ZPBP: variants seen among roughly 807,000 people sequenced by gnomAD.
The protein encoded by ZPBP is zona pellucida-binding protein 1.
A neutral mutation model predicts 44.8 loss-of-function variants in ZPBP; 26 were observed. That is an observed-to-expected ratio of 0.58 (90% CI 0.43 to 0.81). ZPBP has a LOEUF of 0.81. ZPBP is among the 30% of genes least tolerant of loss of function. ZPBP has a pLI of 0.00. For synonymous variants in ZPBP, 174 were observed against 153.2 expected, an observed-to-expected ratio of 1.14 and a Z score of -1.00; for missense variants, 409 against 434.0, an observed-to-expected ratio of 0.94 and a Z score of 0.51.
intron 2 of ZPBP, among the ~76,000 whole-genome samples, chr7:49,861,196 A>C (rs1055168987): frequency 2.0e-5 from 3 of 152,166 alleles, no homozygotes; most frequent in Non-Finnish European, 4.4e-5. Flanking sequence ...TTATTGCTAT[A>C]ACCATCTTAG....
intron 2 of ZPBP, among the ~76,000 whole-genome samples, chr7:49,867,435 G>T (rs1431483182): frequency 6.6e-6 from 1 of 152,224 alleles, no homozygotes; most frequent in Non-Finnish European, 1.5e-5. Flanking sequence ...CAGGTCAACT[G>T]AGAGGCGGAG....
At chr7:49,906,564 C>T (rs2128739861) in intron 1 of ZPBP, among the ~76,000 whole-genome samples, 1 of 152,280 alleles carries the variant, frequency 6.6e-6, no homozygotes, top group East Asian at 1.9e-4. Flanking sequence ...TCTTGATCTC[C>T]TGACCTCGTG....
chr7:49,876,646 G>C (rs556378992), intron 2 of ZPBP, among the ~76,000 whole-genome samples: 171 of 152,186 alleles, frequency 1.1e-3, no homozygotes, highest in African/African-American at 3.5e-3. Context: ...GAATTGCCTT[G>C]TTGTTTTTTA....
intron 1 of ZPBP, chr7:49,915,036 G>A (rs1244953226): frequency 1.3e-5 from 2 of 152,152 alleles, no homozygotes; most frequent in African/African-American, 4.8e-5. Flanking sequence ...AAAGTATAAA[G>A]CTACTTATGT....
chr7:49,953,459 C>T (rs1426485399), intron 7 of ZPBP, among the ~76,000 whole-genome samples: 1 of 152,050 alleles, frequency 6.6e-6, no homozygotes, highest in African/African-American at 2.4e-5. Flanking sequence ...TCAAAAGGCA[C>T]TGGGTAAAGC....
intron 7 of ZPBP, among the ~76,000 whole-genome samples, chr7:49,963,902 A>G (rs547110071): frequency 6.6e-6 from 1 of 151,920 alleles, no homozygotes; most frequent in South Asian, 2.1e-4. Flanking sequence ...ATAAAAATGA[A>G]AAAGGAATTA....
At chr7:49,852,570 G>T (rs1790224617) in intron 2 of ZPBP, among the ~76,000 whole-genome samples, 1 of 152,114 alleles carries the variant, frequency 6.6e-6, no homozygotes, top group South Asian at 2.1e-4. Context: ...GCTATTTAGT[G>T]GTTTTTCCTG....
rs144626968 is a variant in ZPBP at position 49,963,615 on chromosome 7, T to G, written c.961+19727A>C. 3.7e-3 allele frequency among the ~76,000 whole-genome samples: 560 copies of G among 151,988 alleles called. 5 individuals carry two copies. The highest frequency in any genetic ancestry group is 6.2e-3 in the Non-Finnish European group (421 of 67,744). Reference sequence around the variant, plus strand: ...TCTTCATAGTGATGTTAACTGATGTTAGTTAAATGTTAGTTTTGATACTTG... The same window carrying G: ...TCTTCATAGTGATGTTAACTGATGTGAGTTAAATGTTAGTTTTGATACTTG... On this transcript the variant is annotated intron_variant, in intron 7 of 7. Coordinates refer to ENST00000046087, the MANE Select transcript of ZPBP (RefSeq NM_007009.3).
At chr7:50,077,785 T>G (rs771435580) in intron 3 of ZPBP, among the ~76,000 whole-genome samples, 4 of 151,916 alleles carry the variant, frequency 2.6e-5, no homozygotes, top group Non-Finnish European at 5.9e-5. Flanking sequence ...CCTTGTACAC[T>G]GTTGATGGGA....
intron 7 of ZPBP, among the ~76,000 whole-genome samples, chr7:49,977,813 T>C (rs1262300216): frequency 6.6e-6 from 1 of 152,188 alleles, no homozygotes; most frequent in African/African-American, 2.4e-5. Flanking sequence ...AAAACTAATA[T>C]TCTGACATTC....
intron 2 of ZPBP, among the ~76,000 whole-genome samples, chr7:49,851,648 A>G (rs1398883856): frequency 6.6e-6 from 1 of 152,212 alleles, no homozygotes; most frequent in Non-Finnish European, 1.5e-5. Flanking sequence ...TCATGAGGTC[A>G]GGAGATCGAG....
At chr7:49,938,100 G>C (rs1794688093) in intron 7 of ZPBP, among the ~76,000 whole-genome samples, 1 of 152,154 alleles carries the variant, frequency 6.6e-6, no homozygotes, top group African/African-American at 2.4e-5. Context: ...ACATAGACCA[G>C]TACTGTTCCC....
intron 4 of ZPBP, among the ~76,000 whole-genome samples, chr7:50,043,651 A>G (rs1800203532): frequency 6.6e-6 from 1 of 152,216 alleles, no homozygotes; most frequent in South Asian, 2.1e-4. Context: ...TAGGCACCCA[A>G]TACAGGAGCA....
chr7:49,860,275 A>G (rs1483900467), intron 2 of ZPBP, among the ~76,000 whole-genome samples: 1 of 152,216 alleles, frequency 6.6e-6, no homozygotes. Context: ...CGTCAGGCTC[A>G]TGGTAAATTT....
intron 6 of ZPBP, 124 bp from the exon 7 acceptor site, chr7:49,983,643 C>T (rs570808077): frequency 3.0e-5 from 18 of 608,068 alleles, no homozygotes; most frequent in Middle Eastern, 4.4e-4. Context: ...TTTTTTCTTG[C>T]ACTCACAGAC....
chr7:49,876,007 T>A (rs1281238568), intron 2 of ZPBP, among the ~76,000 whole-genome samples: 1 of 152,188 alleles, frequency 6.6e-6, no homozygotes, highest in African/African-American at 2.4e-5. Flanking sequence ...ACTGTGAATA[T>A]GGACCCAGGC....
At chr7:49,841,994 G>A in the ZPBP span, among the ~76,000 whole-genome samples, 13 of 152,176 alleles carry the variant, frequency 8.5e-5, no homozygotes, top group African/African-American at 3.1e-4. Context: ...AGCCTCCTGA[G>A]TAGCTGGGAT....
At chr7:49,969,295 GT>G (rs1469508776) in intron 7 of ZPBP, among the ~76,000 whole-genome samples, 15 of 150,304 alleles carry the variant, frequency 1.0e-4, no homozygotes, top group East Asian at 5.8e-4. Flanking sequence ...TAAGTAGTAA[GT>G]TATAACATAA....
intron 2 of ZPBP, among the ~76,000 whole-genome samples, chr7:49,894,336 T>C (rs1384633148): frequency 1.3e-5 from 2 of 152,102 alleles, no homozygotes; most frequent in African/African-American, 4.8e-5. Flanking sequence ...TTGTATTTTT[T>C]GTAGAGACGG....
Sources: allele counts gnomAD v4.1 joint callset (sites outside exome capture counted in the v4.1 genomes callset), GRCh38; gene constraint gnomAD v4.1.1; transcripts MANE v1.5; gene names NCBI Gene and HGNC (gene_info 2026-07-23, HGNC 2026-07-21).